Variants in CAB39 observed in about 807,000 individuals in gnomAD.
The protein encoded by CAB39 is calcium-binding protein 39.
CAB39 carries 8 observed loss-of-function variants against 40.0 expected under a neutral mutation model. The observed-to-expected ratio is 0.20, with a 90% CI of 0.12 to 0.36. The LOEUF is 0.36. CAB39 is among the 10% of genes least tolerant of loss of function. CAB39 has a pLI of 1.00. For missense variants in CAB39, 270 were observed against 401.1 expected (o/e 0.67, Z 2.79); for synonymous variants, 156 against 141.6 (o/e 1.10, Z -0.72).
intron 1 of CAB39, among the ~76,000 whole-genome samples, chr2:230,715,839 C>T (rs931861440): frequency 2.6e-5 from 4 of 152,136 alleles, no homozygotes; most frequent in Non-Finnish European, 5.9e-5. Context: ...TAGACGGGAC[C>T]ACAGGCTCGT....
intron 5 of CAB39, among the ~76,000 whole-genome samples, chr2:230,806,416 C>G (rs909278611): frequency 6.6e-6 from 1 of 152,142 alleles, no homozygotes; most frequent in African/African-American, 2.4e-5. Flanking sequence ...AACTGATAGT[C>G]TCACTCCACT....
intron 1 of CAB39, among the ~76,000 whole-genome samples, chr2:230,716,794 G>C (rs79349375): frequency 0.054 from 8,176 of 152,264 alleles, 754 homozygotes; most frequent in African/African-American, 0.18. Flanking sequence ...TTGAGCCCAA[G>C]AGTTGGAGGC....
chr2:230,798,645 G>T (rs1696032515), intron 4 of CAB39, 84 bp from the exon 5 acceptor site: 1 of 1,147,592 alleles, frequency 8.7e-7, no homozygotes, highest in Admixed American at 2.5e-5. Flanking sequence ...ACTGTCTTTG[G>T]CCTGAAAGTT....
chr2:230,810,081 CA>C (rs1486045164), intron 5 of CAB39, among the ~76,000 whole-genome samples, 181 bp from the exon 6 acceptor site: 2 of 152,080 alleles, frequency 1.3e-5, no homozygotes, highest in Non-Finnish European at 2.9e-5. Context: ...ATTGCAGTTC[CA>C]AATAATTAAT....
At chr2:230,806,518 C>T (rs1197872759) in intron 5 of CAB39, among the ~76,000 whole-genome samples, 1 of 152,136 alleles carries the variant, frequency 6.6e-6, no homozygotes, top group Admixed American at 6.5e-5. Flanking sequence ...TTTCAGAAGA[C>T]AGTAGATGGT....
intron 5 of CAB39, among the ~76,000 whole-genome samples, chr2:230,808,795 T>C (rs1250080395): frequency 6.6e-6 from 1 of 152,208 alleles, no homozygotes; most frequent in East Asian, 1.9e-4. Context: ...TTAGAAACCT[T>C]CTCAAAAGCA....
intron 3 of CAB39, among the ~76,000 whole-genome samples, chr2:230,791,471 CA>C (rs1262402936): frequency 6.6e-6 from 1 of 152,182 alleles, no homozygotes; most frequent in African/African-American, 2.4e-5. Context: ...CCTGTTAATT[CA>C]TTACAACCAG....
intron 7 of CAB39, among the ~76,000 whole-genome samples, chr2:230,814,456 C>T (rs554155898): frequency 2.0e-5 from 3 of 152,238 alleles, no homozygotes; most frequent in African/African-American, 7.2e-5. Context: ...CTGGGTGGCA[C>T]AGGCAGGTGT....
intron 1 of CAB39, 38 bp from the exon 2 acceptor site, chr2:230,759,921 C>T: frequency 1.5e-6 from 1 of 673,494 alleles, no homozygotes. Flanking sequence ...TCCGTTGATC[C>T]CAGTGTTTGC....
At chr2:230,795,990 G>A (rs1438196277) in intron 4 of CAB39, among the ~76,000 whole-genome samples, 6 of 151,942 alleles carry the variant, frequency 3.9e-5, no homozygotes, top group Non-Finnish European at 7.4e-5. Flanking sequence ...TTACTTTCTT[G>A]TGTCCAAGTT....
At chr2:230,727,684 C>G (rs1044843441) in intron 1 of CAB39, among the ~76,000 whole-genome samples, 1 of 151,506 alleles carries the variant, frequency 6.6e-6, no homozygotes, top group African/African-American at 2.4e-5. Flanking sequence ...TAAAGTGTTG[C>G]GATTACAGGT....
At chr2:230,798,925 T>A (rs553562708) in intron 5 of CAB39, 28 bp downstream of exon 5, 9 of 1,544,348 alleles carry the variant, frequency 5.8e-6, no homozygotes, top group Non-Finnish European at 7.9e-6. Context: ...ATTCTAAATA[T>A]CCTTGAAAGT....
chr2:230,723,992 C>A (rs1054643301), intron 1 of CAB39, among the ~76,000 whole-genome samples: 1 of 152,150 alleles, frequency 6.6e-6, no homozygotes, highest in Non-Finnish European at 1.5e-5. Context: ...ACCTGTAATT[C>A]CAACACTTTG....
At chr2:230,730,707 G>A (rs190942877) in intron 1 of CAB39, among the ~76,000 whole-genome samples, 2 of 152,276 alleles carry the variant, frequency 1.3e-5, no homozygotes, top group East Asian at 1.9e-4. Context: ...GCCTCCCAAA[G>A]TGCTGGGATT....
intron 2 of CAB39, among the ~76,000 whole-genome samples, chr2:230,776,850 G>A (rs1297860238): frequency 6.6e-6 from 1 of 152,060 alleles, no homozygotes; most frequent in Non-Finnish European, 1.5e-5. Flanking sequence ...GCCACGCCCG[G>A]CTAATTTTTT....
At chr2:230,750,799 C>T (rs911957803) in intron 1 of CAB39, among the ~76,000 whole-genome samples, 4 of 152,128 alleles carry the variant, frequency 2.6e-5, no homozygotes, top group African/African-American at 9.7e-5. Context: ...GTGCTAAGCA[C>T]TTTTTAATTC....
intron 2 of CAB39, among the ~76,000 whole-genome samples, chr2:230,775,285 G>A (rs1695566609): frequency 6.6e-6 from 1 of 151,530 alleles, no homozygotes; most frequent in East Asian, 1.9e-4. Context: ...TGCGAGGCTG[G>A]AGTGTAGTGG....
intron 2 of CAB39, among the ~76,000 whole-genome samples, chr2:230,778,652 C>T (rs569584778): frequency 6.6e-6 from 1 of 152,148 alleles, no homozygotes; most frequent in Non-Finnish European, 1.5e-5. Context: ...TGAAAAATCT[C>T]ATAGCCTTAG....
intron 1 of CAB39, among the ~76,000 whole-genome samples, chr2:230,729,425 G>T (rs946719334): frequency 1.3e-5 from 2 of 152,128 alleles, no homozygotes; most frequent in Non-Finnish European, 2.9e-5. Flanking sequence ...TTAAACCTGG[G>T]AAAACCAAGA....
Sources: allele counts gnomAD v4.1 joint callset (sites outside exome capture counted in the v4.1 genomes callset), GRCh38; gene constraint gnomAD v4.1.1; transcripts MANE v1.5; gene names NCBI Gene and HGNC (gene_info 2026-07-23, HGNC 2026-07-21).